The following SEMA5A variants were observed in gnomAD, a reference collection of about 807,000 sequenced individuals.
The protein encoded by SEMA5A is semaphorin-5A.
Under a neutral mutation model 135.5 loss-of-function variants are expected in SEMA5A, and 55 were observed. That is an observed-to-expected ratio of 0.41 (90% CI 0.33 to 0.51). The LOEUF (loss-of-function observed/expected upper bound fraction) is 0.51. Among genes scored for constraint, SEMA5A ranks in the 20% least tolerant of loss-of-function variants. The probability of loss-of-function intolerance (pLI) is 0.37; values close to 1 mark genes in which losing one functional copy is unlikely to be tolerated. For missense variants in SEMA5A, 1,290 were observed against 1,419.9 expected (o/e 0.91, Z 1.47); for synonymous variants, 580 against 546.5 (o/e 1.06, Z -0.85).
intron 1 of SEMA5A, among the ~76,000 whole-genome samples, chr5:9,497,856 C>T (rs1055870415): frequency 3.3e-5 from 5 of 152,246 alleles, no homozygotes; most frequent in South Asian, 2.1e-4. Flanking sequence ...TTTGGTCTGT[C>T]GTTTGACTCT....
intron 3 of SEMA5A, among the ~76,000 whole-genome samples, chr5:9,365,361 G>A (rs1390151390): frequency 6.6e-6 from 1 of 152,076 alleles, no homozygotes; most frequent in African/African-American, 2.4e-5. Context: ...CAAAAATCCA[G>A]GAGGAGCAAA....
At chr5:9,103,524 T>C (rs1739739629) in intron 16 of SEMA5A, among the ~76,000 whole-genome samples, 1 of 152,208 alleles carries the variant, frequency 6.6e-6, no homozygotes, top group Non-Finnish European at 1.5e-5. Flanking sequence ...CTGGTTCTTT[T>C]GTATCTAGGA....
intron 3 of SEMA5A, among the ~76,000 whole-genome samples, chr5:9,368,346 G>A (rs763829689): frequency 4.6e-5 from 7 of 152,222 alleles, no homozygotes; most frequent in South Asian, 2.1e-4. Flanking sequence ...TGACACTCTC[G>A]ACAAGTTTAT....
At chr5:9,078,216 T>C (rs2150096554) in intron 16 of SEMA5A, among the ~76,000 whole-genome samples, 1 of 152,354 alleles carries the variant, frequency 6.6e-6, no homozygotes, top group African/African-American at 2.4e-5. Context: ...AGCAAATGCC[T>C]GTCCTTTGGG....
chr5:9,475,090 C>G (rs192154710), intron 1 of SEMA5A, among the ~76,000 whole-genome samples: 47 of 152,328 alleles, frequency 3.1e-4, no homozygotes, highest in African/African-American at 1.1e-3. Context: ...TATAGACATG[C>G]ACCACCTACT....
chr5:9,213,797 A>C (rs1048083888), intron 8 of SEMA5A, among the ~76,000 whole-genome samples: 2 of 152,172 alleles, frequency 1.3e-5, no homozygotes, highest in African/African-American at 4.8e-5. Flanking sequence ...CTGAGCTCTG[A>C]AAGGCAAGGA....
intron 2 of SEMA5A, among the ~76,000 whole-genome samples, chr5:9,387,289 G>T (rs40724): frequency 0.22 from 32,920 of 152,004 alleles, 4,088 homozygotes; most frequent in Middle Eastern, 0.29. Flanking sequence ...TGTCTTCGGG[G>T]TATCCTTAAT....
intron 2 of SEMA5A, among the ~76,000 whole-genome samples, chr5:9,386,798 T>A (rs933131906): frequency 6.6e-6 from 1 of 152,228 alleles, no homozygotes; most frequent in Non-Finnish European, 1.5e-5. Context: ...CAATGCCAAG[T>A]GTATGTGCTC....
At chr5:9,463,051 A>C (rs1759116621) in intron 1 of SEMA5A, among the ~76,000 whole-genome samples, 2 of 152,014 alleles carry the variant, frequency 1.3e-5, no homozygotes, top group Admixed American at 1.3e-4. Context: ...CCTTTTGTGG[A>C]TGCTTAAAAA....
At chr5:9,151,350 T>C (rs559746071) in intron 12 of SEMA5A, among the ~76,000 whole-genome samples, 20 of 152,354 alleles carry the variant, frequency 1.3e-4, no homozygotes, top group African/African-American at 4.8e-4. Context: ...GATTCATTTA[T>C]AAGACTGGTT....
chr5:9,232,449 G>A (rs1747681564), intron 6 of SEMA5A, among the ~76,000 whole-genome samples: 4 of 152,076 alleles, frequency 2.6e-5, no homozygotes, highest in Admixed American at 2.6e-4. Flanking sequence ...CCTAAATCAT[G>A]ATTACCTGGT....
chr5:9,348,436 C>A (rs116720513), intron 3 of SEMA5A, among the ~76,000 whole-genome samples: 1 of 152,098 alleles, frequency 6.6e-6, no homozygotes, highest in Non-Finnish European at 1.5e-5. Context: ...CTGTGATTAA[C>A]TTTGTCCTTC....
At chr5:9,175,552 C>T (rs2150315558) in intron 11 of SEMA5A, among the ~76,000 whole-genome samples, 1 of 152,260 alleles carries the variant, frequency 6.6e-6, no homozygotes, top group Non-Finnish European at 1.5e-5. Context: ...CTTTGAATGC[C>T]ATACAACATA....
chr5:9,223,465 A>T (rs1158629722), intron 8 of SEMA5A, among the ~76,000 whole-genome samples: 1 of 152,172 alleles, frequency 6.6e-6, no homozygotes, highest in East Asian at 1.9e-4. Flanking sequence ...TTTTGTTGTT[A>T]CAACTGGGCA....
intron 16 of SEMA5A, among the ~76,000 whole-genome samples, chr5:9,100,492 A>G (rs1322511857): frequency 6.6e-6 from 1 of 151,828 alleles, no homozygotes; most frequent in Non-Finnish European, 1.5e-5. Flanking sequence ...AAGGTGACAC[A>G]CTCCCGAGAG....
At chr5:9,219,615 T>C (rs1746820586) in intron 8 of SEMA5A, among the ~76,000 whole-genome samples, 1 of 152,056 alleles carries the variant, frequency 6.6e-6, no homozygotes, top group Non-Finnish European at 1.5e-5. Context: ...TTAGAAGATA[T>C]AGGGAGAAGA....
At chr5:9,495,735 A>C (rs1214675995) in intron 1 of SEMA5A, among the ~76,000 whole-genome samples, 1 of 152,232 alleles carries the variant, frequency 6.6e-6, no homozygotes, top group African/African-American at 2.4e-5. Context: ...TTTTCTTTAC[A>C]TTTGAAAGTA....
chr5:9,178,873 A>G (rs981748227), intron 11 of SEMA5A, among the ~76,000 whole-genome samples: 3 of 152,152 alleles, frequency 2.0e-5, no homozygotes, highest in Admixed American at 6.5e-5. Flanking sequence ...CTCATAACTG[A>G]ATTTTCCAGG....
At chr5:9,326,803 T>C (rs1579350116) in intron 4 of SEMA5A, among the ~76,000 whole-genome samples, 1 of 152,162 alleles carries the variant, frequency 6.6e-6, no homozygotes, top group East Asian at 1.9e-4. Context: ...GGAAAAATAG[T>C]AACTATATCC....
Sources: gnomAD v4.1 joint callset for allele counts (sites outside exome capture counted in the v4.1 genomes callset) on GRCh38, gnomAD v4.1.1 for gene constraint, MANE v1.5 for transcripts, NCBI Gene and HGNC (gene_info 2026-07-23, HGNC 2026-07-21) for gene names.